The following BBS9 variants were observed in gnomAD, a reference collection of about 807,000 sequenced individuals.
BBS9 encodes protein PTHB1.
A neutral mutation model predicts 117.7 loss-of-function variants in BBS9; 89 were observed. That is an observed-to-expected ratio of 0.76 (90% CI 0.64 to 0.90). BBS9 has a LOEUF of 0.90. Among genes scored for constraint, BBS9 ranks in the 40% least tolerant of loss-of-function variants. The pLI is 0.00. For synonymous variants in BBS9, 379 were observed against 370.9 expected (o/e 1.02, Z -0.25); for missense variants, 982 against 1,042.2 (o/e 0.94, Z 0.80).
intron 19 of BBS9, among the ~76,000 whole-genome samples, chr7:33,393,525 A>G (rs1223452444): frequency 6.6e-6 from 1 of 152,148 alleles, no homozygotes; most frequent in Admixed American, 6.5e-5. Context: ...CCCTGTTAGG[A>G]TAATAACAAC....
chr7:33,355,963 G>A (rs562569846), intron 15 of BBS9, among the ~76,000 whole-genome samples: 1 of 151,878 alleles, frequency 6.6e-6, no homozygotes, highest in South Asian at 2.1e-4. Context: ...GTATAGTTTT[G>A]GAGGAACATT....
intron 19 of BBS9, among the ~76,000 whole-genome samples, chr7:33,401,829 A>AT (rs761947620): frequency 7.2e-5 from 11 of 152,102 alleles, no homozygotes; most frequent in Admixed American, 2.0e-4. Context: ...CAGAATGTAG[A>AT]TTTTTTTCCC....
intron 5 of BBS9, among the ~76,000 whole-genome samples, chr7:33,254,397 T>C (rs1776391714): frequency 6.6e-6 from 1 of 152,178 alleles, no homozygotes; most frequent in East Asian, 1.9e-4. Flanking sequence ...TAAATAAAAA[T>C]TATATATCTT....
chr7:33,437,896 C>A (rs1319294354), intron 19 of BBS9, among the ~76,000 whole-genome samples: 1 of 152,024 alleles, frequency 6.6e-6, no homozygotes, highest in Admixed American at 6.6e-5. Context: ...CAAATAAAAA[C>A]CCCACAGCTT....
intron 9 of BBS9, among the ~76,000 whole-genome samples, chr7:33,322,159 C>T (rs1259092024): frequency 1.3e-5 from 2 of 151,880 alleles, no homozygotes; most frequent in Non-Finnish European, 2.9e-5. Flanking sequence ...CAATGTTCAT[C>T]AGTTTTATTG....
chr7:33,313,753 C>T (rs1320041355), intron 9 of BBS9, among the ~76,000 whole-genome samples: 1 of 152,152 alleles, frequency 6.6e-6, no homozygotes, highest in Non-Finnish European at 1.5e-5. Context: ...TACCATGTCC[C>T]TCTCATTAAG....
At chr7:33,328,978 A>G (rs969664955) in intron 9 of BBS9, among the ~76,000 whole-genome samples, 6 of 147,358 alleles carry the variant, frequency 4.1e-5, no homozygotes, top group Admixed American at 6.9e-5. Flanking sequence ...TTAAAAAAGG[A>G]TAAGGTTTTC....
chr7:33,424,536 T>G (rs995873885), intron 19 of BBS9, among the ~76,000 whole-genome samples: 47 of 151,858 alleles, frequency 3.1e-4, no homozygotes, highest in African/African-American at 1.1e-3. Flanking sequence ...TCTTGTAATG[T>G]GTGAGAACTA....
intron 21 of BBS9, among the ~76,000 whole-genome samples, chr7:33,612,764 T>C (rs555512526): frequency 6.6e-6 from 1 of 152,202 alleles, no homozygotes; most frequent in African/African-American, 2.4e-5. Context: ...CTCATCTCTG[T>C]CTGGTCAGGG....
intron 19 of BBS9, among the ~76,000 whole-genome samples, chr7:33,461,950 TTG>T (rs1839522369): frequency 6.6e-6 from 1 of 152,050 alleles, no homozygotes; most frequent in South Asian, 2.1e-4. Flanking sequence ...AGCAGTCAGT[TTG>T]TATTGCTTTC....
chr7:33,224,046 A>T (rs1790776942), intron 5 of BBS9, among the ~76,000 whole-genome samples: 1 of 152,158 alleles, frequency 6.6e-6, no homozygotes, highest in Non-Finnish European at 1.5e-5. Flanking sequence ...GGTAAATATA[A>T]TATTTACTTT....
chr7:33,616,516 T>TATATATAG (rs1554278451), intron 21 of BBS9, among the ~76,000 whole-genome samples: 1 of 144,742 alleles, frequency 6.9e-6, no homozygotes, highest in Non-Finnish European at 1.5e-5. Context: ...TATATATATA[T>TATATATAG]AGAAAGGATA....
chr7:33,407,507 G>A (rs886573370), intron 19 of BBS9, among the ~76,000 whole-genome samples: 1,584 of 151,914 alleles, frequency 0.01, 8 homozygotes, highest in Middle Eastern at 0.037. Context: ...GAGGAGAGGC[G>A]CTCTGCTTTT....
chr7:33,526,780 G>A (rs1330764899), intron 20 of BBS9, among the ~76,000 whole-genome samples: 18 of 150,498 alleles, frequency 1.2e-4, no homozygotes, highest in Admixed American at 2.0e-4. Flanking sequence ...GCTTTGTTCC[G>A]TTGCTGGTGA....
chr7:33,152,539 C>G (rs1302605455), intron 2 of BBS9, among the ~76,000 whole-genome samples, 162 bp from the exon 3 acceptor site: 1 of 152,176 alleles, frequency 6.6e-6, no homozygotes, highest in Non-Finnish European at 1.5e-5. Flanking sequence ...AATAAGTACT[C>G]TTTAATTACA....
At chr7:33,373,526 T>C (rs1212648130) in intron 17 of BBS9, among the ~76,000 whole-genome samples, 3 of 152,150 alleles carry the variant, frequency 2.0e-5, no homozygotes, top group African/African-American at 7.2e-5. Flanking sequence ...GGATTTTGGA[T>C]TTTTGGATTT....
At chr7:33,198,068 T>C (rs1350326065) in intron 5 of BBS9, among the ~76,000 whole-genome samples, 1 of 152,030 alleles carries the variant, frequency 6.6e-6, no homozygotes, top group Non-Finnish European at 1.5e-5. Flanking sequence ...ATTTCAATTA[T>C]GTTTCTACCT....
intron 5 of BBS9, among the ~76,000 whole-genome samples, chr7:33,186,316 A>G (rs1021741386): frequency 2.0e-5 from 3 of 152,176 alleles, no homozygotes; most frequent in African/African-American, 7.2e-5. Context: ...TGTATCAGGC[A>G]GTGTTCTAAG....
intron 5 of BBS9, among the ~76,000 whole-genome samples, chr7:33,184,656 TTC>T (rs894140171): frequency 5.9e-5 from 9 of 152,186 alleles, no homozygotes; most frequent in Admixed American, 5.9e-4. Context: ...GGGTTCTGCA[TTC>T]TGTTTCCTTT....
Sources: allele counts gnomAD v4.1 joint callset (sites outside exome capture counted in the v4.1 genomes callset), GRCh38; gene constraint gnomAD v4.1.1; transcripts MANE v1.5; gene names NCBI Gene and HGNC (gene_info 2026-07-23, HGNC 2026-07-21).